Variants in DLG2 observed in about 807,000 individuals in gnomAD.
The protein encoded by DLG2 is discs large MAGUK scaffold protein 2.
Under a neutral mutation model 132.5 loss-of-function variants are expected in DLG2, and 45 were observed. The ratio of observed to expected loss-of-function variants is 0.34; its 90% confidence interval spans 0.27 to 0.44. The LOEUF (loss-of-function observed/expected upper bound fraction) is 0.44. Ranked by LOEUF, DLG2 falls within the 20% of genes least tolerant of loss-of-function variation. The pLI is 1.00. For missense variants in DLG2, 1,045 were observed against 1,196.9 expected (o/e 0.87, Z 1.87); for synonymous variants, 424 against 419.6 (o/e 1.01, Z -0.13).
chr11:84,112,424 T>C (rs188224726), intron 9 of DLG2, among the ~76,000 whole-genome samples: 2 of 151,796 alleles, frequency 1.3e-5, no homozygotes, highest in Admixed American at 1.3e-4. Context: ...TAGATGTTCC[T>C]GCTGTTTTTT....
chr11:84,247,464 G>A (rs543519935), intron 8 of DLG2, among the ~76,000 whole-genome samples: 1 of 152,130 alleles, frequency 6.6e-6, no homozygotes, highest in Non-Finnish European at 1.5e-5. Context: ...AGAGAGTATT[G>A]AAGTGGAAAA....
At chr11:84,879,075 T>C (rs1452321912) in intron 6 of DLG2, among the ~76,000 whole-genome samples, 2 of 152,134 alleles carry the variant, frequency 1.3e-5, no homozygotes, top group African/African-American at 4.8e-5. Context: ...CACTAAACTA[T>C]AGTTGTGAAG....
At chr11:83,925,113 A>G (rs1282577892) in intron 15 of DLG2, among the ~76,000 whole-genome samples, 2 of 152,126 alleles carry the variant, frequency 1.3e-5, no homozygotes, top group African/African-American at 4.8e-5. Context: ...GAGTTCCCAC[A>G]TAACAATCTG....
chr11:83,920,182 T>G (rs1158920278), intron 15 of DLG2, among the ~76,000 whole-genome samples: 2 of 152,148 alleles, frequency 1.3e-5, no homozygotes, highest in East Asian at 3.9e-4. Context: ...CTTTACCCTC[T>G]AAGGTATTCA....
intron 5 of DLG2, among the ~76,000 whole-genome samples, chr11:85,145,700 T>C (rs574221841): frequency 2.0e-5 from 3 of 152,184 alleles, no homozygotes; most frequent in East Asian, 3.9e-4. Flanking sequence ...TCAATCTGCT[T>C]GTTAAATTTC....
At chr11:85,517,236 AT>A (rs1482207529) in intron 3 of DLG2, among the ~76,000 whole-genome samples, 1 of 152,086 alleles carries the variant, frequency 6.6e-6, no homozygotes, top group Non-Finnish European at 1.5e-5. Context: ...TCCTATCATG[AT>A]TTAAAAAAAA....
At chr11:84,182,007 A>T (rs2096144272) in intron 8 of DLG2, among the ~76,000 whole-genome samples, 1 of 152,194 alleles carries the variant, frequency 6.6e-6, no homozygotes, top group African/African-American at 2.4e-5. Context: ...TTTGAACTCC[A>T]TGGAACCATC....
At chr11:85,459,772 C>A (rs1048737766) in intron 3 of DLG2, among the ~76,000 whole-genome samples, 1 of 152,114 alleles carries the variant, frequency 6.6e-6, no homozygotes, top group Non-Finnish European at 1.5e-5. Flanking sequence ...TCTGGGATTT[C>A]CTCCTCAGAG....
intron 4 of DLG2, among the ~76,000 whole-genome samples, chr11:85,260,894 AC>A (rs980642783): frequency 1.8e-4 from 27 of 152,154 alleles, no homozygotes; most frequent in African/African-American, 5.3e-4. Flanking sequence ...ACACAGTCCC[AC>A]CCCACCTCAC....
chr11:84,949,426 C>T (rs981160152), intron 6 of DLG2, among the ~76,000 whole-genome samples: 15 of 151,590 alleles, frequency 9.9e-5, no homozygotes, highest in East Asian at 1.9e-4. Context: ...ATTTATTAGG[C>T]GGGAATTTCC....
intron 6 of DLG2, among the ~76,000 whole-genome samples, chr11:84,654,111 G>A (rs2099685333): frequency 1.3e-5 from 2 of 152,050 alleles, no homozygotes; most frequent in Non-Finnish European, 2.9e-5. Context: ...ATGAACCTGA[G>A]GACCCTCTTT....
chr11:84,756,912 AGGCATTACAAC>A (rs2066960209), intron 6 of DLG2, among the ~76,000 whole-genome samples: 1 of 152,184 alleles, frequency 6.6e-6, no homozygotes, highest in Non-Finnish European at 1.5e-5. Context: ...AAATACTACA[AGGCATTACAAC>A]TCCCAATGAG....
intron 6 of DLG2, among the ~76,000 whole-genome samples, chr11:85,029,856 C>G (rs1396150293): frequency 6.6e-6 from 1 of 152,086 alleles, no homozygotes; most frequent in South Asian, 2.1e-4. Flanking sequence ...CAGGCCTGTG[C>G]CCCTATGACT....
In DLG2 at chr11:84,910,762, AAACAACAACAAC is replaced by A. The variant is rs59825403; in HGVS notation, c.357+200887_357+200898del. Among the ~76,000 whole-genome samples, 275 of 141,410 alleles carry A rather than the reference AAACAACAACAAC, an allele frequency of 1.9e-3. 2 individuals carry two copies. The highest frequency in any genetic ancestry group is 5.6e-3 in the African/African-American group (225 of 40,322). 92.8% of individuals were successfully genotyped at this position (141,410 alleles called of 152,430 possible). On this transcript the variant is annotated intron_variant, in intron 6 of 27. Coordinates refer to ENST00000376104, the MANE Select transcript of DLG2 (RefSeq NM_001142699.3). ...ATTCCCTTCCACAAAAAGGAAGAAA[AAACAACAACAAC>A]AACAACAACAACAACAACAACAACA...
At chr11:85,109,069 A>G (rs79408973) in intron 6 of DLG2, among the ~76,000 whole-genome samples, 1 of 147,868 alleles carries the variant, frequency 6.8e-6, no homozygotes, top group African/African-American at 2.5e-5. Flanking sequence ...GGAAAAAAAA[A>G]TTCAACTGGC....
intron 18 of DLG2, among the ~76,000 whole-genome samples, chr11:83,746,081 G>GTT (rs1383888781): frequency 2.0e-5 from 3 of 152,078 alleles, no homozygotes; most frequent in Non-Finnish European, 4.4e-5. Flanking sequence ...GAAACAACAG[G>GTT]TGCTGGAGAG....
intron 19 of DLG2, among the ~76,000 whole-genome samples, chr11:83,587,630 A>G (rs567883548): frequency 5.3e-5 from 8 of 152,274 alleles, no homozygotes; most frequent in East Asian, 3.9e-4. Flanking sequence ...CTATGTATCT[A>G]TAGAATTTAT....
At chr11:85,591,930 T>C (rs1413251847) in intron 3 of DLG2, among the ~76,000 whole-genome samples, 1 of 152,228 alleles carries the variant, frequency 6.6e-6, no homozygotes, top group Non-Finnish European at 1.5e-5. Context: ...AATGTGTAAA[T>C]GGATGGTGAA....
At chr11:85,397,624 C>A (rs1280522518) in intron 3 of DLG2, among the ~76,000 whole-genome samples, 1 of 152,054 alleles carries the variant, frequency 6.6e-6, no homozygotes, top group Non-Finnish European at 1.5e-5. Flanking sequence ...GCAGGAGTTG[C>A]AATCCTAGTC....
Sources: allele counts gnomAD v4.1 joint callset (sites outside exome capture counted in the v4.1 genomes callset), GRCh38; gene constraint gnomAD v4.1.1; transcripts MANE v1.5; gene names NCBI Gene and HGNC (gene_info 2026-07-23, HGNC 2026-07-21).